The following PTPRS variants were observed in gnomAD, a reference collection of about 807,000 sequenced individuals.
PTPRS encodes the protein protein tyrosine phosphatase receptor type S, also known as receptor-type tyrosine-protein phosphatase S.
A neutral mutation model predicts 215.3 loss-of-function variants in PTPRS; 63 were observed. The observed-to-expected ratio is 0.29, with a 90% CI of 0.24 to 0.36. The LOEUF (loss-of-function observed/expected upper bound fraction) is 0.36. Ranked by LOEUF, PTPRS falls within the 10% of genes least tolerant of loss-of-function variation. The pLI is 1.00. For missense variants in PTPRS, 2,258 were observed against 2,825.8 expected (o/e 0.80, Z 4.56); for synonymous variants, 1,404 against 1,191.4 (o/e 1.18, Z -3.68).
At chr19:5,330,996 T>C (rs1306025768) in intron 1 of PTPRS, among the ~76,000 whole-genome samples, 1 of 152,028 alleles carries the variant, frequency 6.6e-6, no homozygotes, top group African/African-American at 2.4e-5. Context: ...AGGGAACCCA[T>C]TAGCAATCTA....
At chr19:5,290,711 T>C (rs1461941089) in intron 1 of PTPRS, among the ~76,000 whole-genome samples, 2 of 151,920 alleles carry the variant, frequency 1.3e-5, no homozygotes, top group African/African-American at 4.8e-5. Context: ...GGCCATCCCA[T>C]GGCCCCAGGG....
Position 5,220,316 on chromosome 19 carries a change from G to T in PTPRS, c.3493C>A (p.Arg1165Ser). 1 of 1,614,064 alleles carries T rather than the reference G, an allele frequency of 6.2e-7. No homozygotes were observed. The highest frequency in any genetic ancestry group is 2.2e-5 in the East Asian group (1 of 44,880). The change falls in exon 21 of 38, where the codon CGT (arginine) becomes AGT (serine). Residue 1165 changes from arginine to serine, a missense_variant. Physicochemically the swap from Arg to Ser is moderately radical, Grantham distance 110 (BLOSUM62 -1). Coordinates refer to ENST00000262963, the MANE Select transcript of PTPRS (RefSeq NM_002850.4). The part of the protein sequence containing the change: ...FIVMVPLRKS[R>S]GGQFLTPLGS... ...AGCGGGGTCAGGAATTGGCCTCCAC[G>T]AGACTTGCGCAGTGGCACCATCACA...
intron 16 of PTPRS, among the ~76,000 whole-genome samples, chr19:5,228,347 G>GAAAAAAAAAAAAAAAA (rs71170899): frequency 6.6e-5 from 7 of 105,888 alleles, no homozygotes; most frequent in African/African-American, 2.6e-4. Context: ...TCCGTCTGGA[G>GAAAAAAAAAAAAAAAA]AAAAAAAAAA....
At chr19:5,314,458 A>G (rs1342633082) in intron 1 of PTPRS, among the ~76,000 whole-genome samples, 2 of 152,104 alleles carry the variant, frequency 1.3e-5, no homozygotes, top group Non-Finnish European at 2.9e-5. Context: ...TTCTAACATC[A>G]GCCTTTTTGG....
Position 5,222,720 on chromosome 19 carries a change from G to A in PTPRS, c.3072C>T (p.Pro1024=), listed in dbSNP as rs550094738. The change falls in exon 18 of 38, where the codon CCC becomes CCT. Residue 1024 remains proline (P), a synonymous_variant. Transcript: ENST00000262963. ...TRRGPGPFSP[P]VRYRTFLRDQ... ...CCCGCAGGAACGTCCGGTAGCGGAC[G>A]GGGGGGCTGAAGGGGCCAGGGCCCC... is the stretch of plus-strand genomic sequence containing the variant. 164 of 1,594,238 alleles carry A rather than the reference G, an allele frequency of 1.0e-4. No individual in the cohort carries two copies. Among genetic ancestry groups the A allele is most frequent in the African/African-American group, 8.2e-4 (61 of 74,622 alleles).
At chr19:5,235,424 A>C (rs1339237359) in intron 13 of PTPRS, among the ~76,000 whole-genome samples, 1 of 152,082 alleles carries the variant, frequency 6.6e-6, no homozygotes, top group East Asian at 1.9e-4. Context: ...TTTGCAGATA[A>C]TAAGTGAATG....
intron 30 of PTPRS, among the ~76,000 whole-genome samples, chr19:5,213,075 C>CCT (rs575336730): frequency 6.6e-6 from 1 of 152,060 alleles, no homozygotes; most frequent in African/African-American, 2.4e-5. Context: ...TAACTCTTCC[C>CCT]CTCTCACATC....
intron 1 of PTPRS, among the ~76,000 whole-genome samples, chr19:5,337,596 G>A (rs1292477976): frequency 1.3e-5 from 2 of 152,214 alleles, no homozygotes; most frequent in African/African-American, 4.8e-5. Flanking sequence ...CCAGAAAGAC[G>A]TTTGATGAGC....
rs772912033 is a variant in PTPRS at position 5,222,721 on chromosome 19, G to T, written c.3071C>A (p.Pro1024His). The change falls in exon 18 of 38, where the codon CCC becomes CAC. Residue 1024 changes from proline (P) to histidine (H), a missense_variant. Pro to His is a moderately conservative substitution (Grantham distance 77). Transcript: ENST00000262963. ...TRRGPGPFSP[P>H]VRYRTFLRDQ... Reference sequence around the variant, plus strand: ...CCGCAGGAACGTCCGGTAGCGGACGGGGGGGCTGAAGGGGCCAGGGCCCCG... The same window carrying T: ...CCGCAGGAACGTCCGGTAGCGGACGTGGGGGCTGAAGGGGCCAGGGCCCCG... 1.0e-5 allele frequency: 16 copies of T among 1,595,540 alleles called. No homozygotes were observed. The highest frequency in any genetic ancestry group is 5.4e-5 in the African/African-American group (4 of 74,616).
chr19:5,246,014 C>A lies in PTPRS; in HGVS notation c.750G>T (p.Leu250=). 1 of 1,570,294 alleles carries A rather than the reference C, an allele frequency of 6.4e-7. No individual in the cohort carries two copies. Among genetic ancestry groups the A allele is most frequent in the Non-Finnish European group, 8.7e-7 (1 of 1,155,682 alleles). The change falls in exon 10 of 38, where the codon CTG becomes CTT. Residue 250 remains leucine (L), a synonymous_variant. Transcript: ENST00000262963. ...VRRVAPRFSI[L]PMSHEIMPGG... is the part of the protein sequence containing the mutation. ...CTGGCATGATCTCGTGGCTCATGGG[C>A]AGGATGGAGAAGCGCGGGGCCACGC...
intron 20 of PTPRS, 42 bp from the exon 21 acceptor site, chr19:5,220,395 G>T: frequency 6.6e-7 from 1 of 1,524,434 alleles, no homozygotes; most frequent in Non-Finnish European, 9.0e-7. Context: ...TGTCGATAGG[G>T]ATGACCAAGG....
At chr19:5,207,794 G>A in intron 37 of PTPRS, 128 bp downstream of exon 37, 1 of 1,379,892 alleles carries the variant, frequency 7.2e-7, no homozygotes, top group South Asian at 1.4e-5. Context: ...AGGGGTCTGT[G>A]GACCGTCTAC....
At chr19:5,267,084 C>T (rs1052091184) in intron 4 of PTPRS, among the ~76,000 whole-genome samples, 2 of 152,146 alleles carry the variant, frequency 1.3e-5, no homozygotes, top group African/African-American at 4.8e-5. Flanking sequence ...CAACTCAATC[C>T]TGGTTGAGCA....
Position 5,273,208 on chromosome 19 carries a change from A to T in PTPRS, c.379+234T>A. ...TCATCAGAAGCACATGATGAAGATT[A>T]TAAATTAGGATGATTCTAGTCTCTC... On this transcript the variant is annotated intron_variant, in intron 4 of 37. Transcript: ENST00000262963. 3 of 572,446 alleles carry T rather than the reference A, an allele frequency of 5.2e-6. No homozygotes were observed. In the South Asian group the frequency reaches 6.2e-5, roughly 12 times the overall value. 35.5% of individuals were successfully genotyped at this position (572,446 alleles called of 1,614,324 possible). A position where few individuals can be genotyped will look rare whatever the true frequency, so the allele number is the denominator to read the frequency against.
rs760049186 is a variant in PTPRS, at chr19:5,260,825, G to A, written c.578-3C>T. 2 of 1,613,546 alleles carry A rather than the reference G, an allele frequency of 1.2e-6. No homozygotes were observed. The highest frequency in any genetic ancestry group is 2.2e-5 in the South Asian group (2 of 91,036). On this transcript the variant is annotated splice_region_variant and splice_polypyrimidine_tract_variant and intron_variant, in intron 6 of 37. Coordinates refer to ENST00000262963, the MANE Select transcript of PTPRS (RefSeq NM_002850.4). ...CTTACCTCGAATCGGAGTGCTTTCTGTAAGGGAAGCAGAGAGAACCAGGTG... is the reference window on the plus strand; with the variant it reads ...CTTACCTCGAATCGGAGTGCTTTCTATAAGGGAAGCAGAGAGAACCAGGTG...
At position 5,257,887 on chromosome 19, in the gene PTPRS, C is replaced by T. The variant is rs951904408; in HGVS notation, c.706+130G>A. ...GACGCCGCCTCGGCCAAGGTCCCAC[C>T]GCGACCGGGGAGGGGCCTTCCTGCT... On this transcript the variant is annotated intron_variant, in intron 8 of 37. Coordinates refer to ENST00000262963, the MANE Select transcript of PTPRS (RefSeq NM_002850.4). The surrounding 1 kb of genome is among the most constrained non-coding windows in gnomAD (Gnocchi z 4.4). 4.6e-5 allele frequency: 34 copies of T among 742,906 alleles called. No individual in the cohort carries two copies. The highest frequency in any genetic ancestry group is 3.5e-5 in the South Asian group (2 of 57,446). The allele number at this position is 742,906 out of a possible 1,614,324, so 46.0% of individuals were successfully genotyped here.
chr19:5,306,742 G>C (rs1029050106), intron 1 of PTPRS, among the ~76,000 whole-genome samples: 1 of 152,120 alleles, frequency 6.6e-6, no homozygotes, highest in African/African-American at 2.4e-5. Flanking sequence ...GGGCAGCTGG[G>C]GTGGAAGGTC....
intron 35 of PTPRS, among the ~76,000 whole-genome samples, chr19:5,209,099 G>A (rs532104300): frequency 2.6e-5 from 4 of 151,900 alleles, no homozygotes; most frequent in African/African-American, 7.3e-5. Flanking sequence ...CTGCCGTCCC[G>A]AGTTCCACCC....
rs1386290637 is a variant in PTPRS at position 5,294,318 on chromosome 19, C to G, written c.-94-8084G>C. The G allele has an allele frequency of 2.0e-5, 3 of 152,616 alleles. No individual in the cohort carries two copies. The highest frequency in any genetic ancestry group is 7.2e-5 in the African/African-American group (3 of 41,574). The allele number at this position is 152,616 out of a possible 1,614,324, so 9.5% of individuals were successfully genotyped here. A position where few individuals can be genotyped will look rare whatever the true frequency, so the allele number is the denominator to read the frequency against. On this transcript the variant is annotated intron_variant, in intron 1 of 37. Transcript: ENST00000262963. This position sits in a 1 kb window ranked among gnomAD's most constrained non-coding sequence, Gnocchi z 5.1. ...CGAGAAAGAGAGAGAAACGGCTGCC[C>G]ACGGCCGGGAAGAGCAGGAATTGGA...
Sources: gnomAD v4.1 joint callset for allele counts (sites outside exome capture counted in the v4.1 genomes callset) on GRCh38, gnomAD v4.1.1 for gene constraint, Gnocchi (gnomAD v3.1) non-coding constraint, MANE v1.5 for transcripts, NCBI Gene and HGNC (gene_info 2026-07-23, HGNC 2026-07-21) for gene names.